ADGRB3: variants seen among roughly 807,000 people sequenced by gnomAD.
ADGRB3 encodes the protein adhesion G protein-coupled receptor B3, also known as brain-specific angiogenesis inhibitor 3.
A neutral mutation model predicts 193.4 loss-of-function variants in ADGRB3; 37 were observed. That is an observed-to-expected ratio of 0.19 (90% CI 0.15 to 0.25). The LOEUF is 0.25. ADGRB3 is among the 10% of genes least tolerant of loss of function. ADGRB3 has a pLI of 1.00. For missense variants in ADGRB3, 1,637 were observed against 1,852.9 expected (o/e 0.88, Z 2.14); for synonymous variants, 690 against 644.2 (o/e 1.07, Z -1.08).
intron 17 of ADGRB3, among the ~76,000 whole-genome samples, chr6:69,105,989 G>T (rs959948156): frequency 6.6e-6 from 1 of 151,738 alleles, no homozygotes; most frequent in Non-Finnish European, 1.5e-5. Flanking sequence ...CCAAAAATTA[G>T]CCAGGACATG....
At position 68,981,946 on chromosome 6, in the gene ADGRB3, C is replaced by T. The variant is rs370398422; in HGVS notation, c.1734+6606C>T. ...AGGCTAGAGTGCAATGGTGCGATCTCGGCTCACTGCAACCTCTGCCTCCCA... is the reference window on the plus strand; with the variant it reads ...AGGCTAGAGTGCAATGGTGCGATCTTGGCTCACTGCAACCTCTGCCTCCCA... On this transcript the variant is annotated intron_variant, in intron 10 of 31. Coordinates refer to ENST00000370598, the MANE Select transcript of ADGRB3 (RefSeq NM_001704.3). Among the ~76,000 whole-genome samples the T allele has an allele frequency of 5.3e-4, 80 of 151,806 alleles. 2 individuals are homozygous for T. Among genetic ancestry groups the T allele is most frequent in the Non-Finnish European group, 5.3e-4 (36 of 67,920 alleles).
At chr6:69,369,820 C>A (rs1196654430) in intron 29 of ADGRB3, among the ~76,000 whole-genome samples, 1 of 151,922 alleles carries the variant, frequency 6.6e-6, no homozygotes, top group African/African-American at 2.4e-5. Context: ...TTATTTTACT[C>A]AACACAGATA....
intron 11 of ADGRB3, among the ~76,000 whole-genome samples, chr6:69,004,686 A>G (rs1769694324): frequency 6.6e-6 from 1 of 151,160 alleles, no homozygotes; most frequent in Non-Finnish European, 1.5e-5. Context: ...GTCAGATTAG[A>G]TTAGGGCCCA....
chr6:69,024,843 A>G (rs1770378471), intron 13 of ADGRB3, among the ~76,000 whole-genome samples: 1 of 152,198 alleles, frequency 6.6e-6, no homozygotes, highest in South Asian at 2.1e-4. Flanking sequence ...CTGTAATCCC[A>G]GCACTTTGGG....
intron 17 of ADGRB3, among the ~76,000 whole-genome samples, chr6:69,122,187 G>T (rs1187534176): frequency 6.6e-6 from 1 of 151,938 alleles, no homozygotes; most frequent in Non-Finnish European, 1.5e-5. Context: ...GCGAGACTCC[G>T]TCTGCAATCC....
At chr6:68,886,790 A>G (rs1339126948) in intron 3 of ADGRB3, among the ~76,000 whole-genome samples, 1 of 151,998 alleles carries the variant, frequency 6.6e-6, no homozygotes, top group East Asian at 1.9e-4. Flanking sequence ...CACTTTTGTT[A>G]TGGAAATGAG....
intron 13 of ADGRB3, among the ~76,000 whole-genome samples, chr6:69,039,987 G>A (rs533833826): frequency 1.4e-4 from 22 of 152,072 alleles, no homozygotes; most frequent in Non-Finnish European, 2.6e-4. Context: ...TGATCCGCCC[G>A]CCTCGGCCTC....
intron 17 of ADGRB3, among the ~76,000 whole-genome samples, chr6:69,230,781 C>T (rs181854550): frequency 1.3e-5 from 2 of 152,298 alleles, no homozygotes; most frequent in Admixed American, 6.5e-5. Context: ...AAGGTTTTCT[C>T]TCCTACTTAC....
intron 3 of ADGRB3, among the ~76,000 whole-genome samples, chr6:68,792,781 C>G (rs1473125098): frequency 6.6e-6 from 1 of 152,110 alleles, no homozygotes; most frequent in African/African-American, 2.4e-5. Flanking sequence ...TTTTTATCAA[C>G]AGTAAACAGC....
chr6:69,149,210 T>C (rs1464229934), intron 17 of ADGRB3, among the ~76,000 whole-genome samples: 1 of 152,106 alleles, frequency 6.6e-6, no homozygotes, highest in African/African-American at 2.4e-5. Flanking sequence ...CTTTTAGGCA[T>C]GCCTCATTCT....
chr6:69,038,467 AAG>A (rs969482145), intron 13 of ADGRB3, among the ~76,000 whole-genome samples: 5 of 152,306 alleles, frequency 3.3e-5, no homozygotes, highest in South Asian at 2.1e-4. Flanking sequence ...TTTCTGAGGA[AAG>A]AGGGGGAATT....
At chr6:69,138,936 G>C (rs1391839391) in intron 17 of ADGRB3, among the ~76,000 whole-genome samples, 1 of 152,142 alleles carries the variant, frequency 6.6e-6, no homozygotes, top group East Asian at 1.9e-4. Flanking sequence ...GTTAGCTAGT[G>C]CATGACTCTA....
intron 19 of ADGRB3, among the ~76,000 whole-genome samples, chr6:69,237,527 T>A (rs1036643350): frequency 2.0e-5 from 3 of 152,038 alleles, no homozygotes; most frequent in African/African-American, 7.2e-5. Context: ...AAATCTAACA[T>A]GGTAAAGAAA....
intron 24 of ADGRB3, among the ~76,000 whole-genome samples, chr6:69,333,879 A>G (rs1460175438): frequency 4.0e-5 from 6 of 150,476 alleles, no homozygotes; most frequent in Non-Finnish European, 8.9e-5. Flanking sequence ...GCAGAGAGCC[A>G]AGATCGCGCC....
chr6:69,295,333 G>A (rs980269087), intron 20 of ADGRB3, among the ~76,000 whole-genome samples: 3 of 152,272 alleles, frequency 2.0e-5, no homozygotes, highest in Admixed American at 6.5e-5. Context: ...CCTTAGGCTA[G>A]GACTATGGCT....
chr6:69,301,555 G>A (rs1470486183), intron 20 of ADGRB3, among the ~76,000 whole-genome samples: 1 of 151,884 alleles, frequency 6.6e-6, no homozygotes, highest in Non-Finnish European at 1.5e-5. Context: ...GTGCAATATT[G>A]TAAATCTTGA....
intron 20 of ADGRB3, among the ~76,000 whole-genome samples, chr6:69,255,416 G>A (rs1766739156): frequency 6.6e-6 from 1 of 152,144 alleles, no homozygotes; most frequent in Non-Finnish European, 1.5e-5. Flanking sequence ...GGTGTGAGAT[G>A]GTATCTCATT....
In ADGRB3 at chr6:68,789,950, A is replaced by G. The variant is rs1014059512; in HGVS notation, c.758-140609A>G. 3.9e-5 allele frequency among the ~76,000 whole-genome samples: 6 copies of G among 152,254 alleles called. No individual in the cohort carries two copies. In the East Asian group the frequency reaches 5.8e-4, roughly 15 times the overall value. On this transcript the variant is annotated intron_variant, in intron 3 of 31. Transcript: ENST00000370598. ...TTTCTTCCAGTTGATCGCATCGGCT[A>G]TTGAGGCTTCTGCATTTGTCACGTA... is the stretch of plus-strand genomic sequence containing the variant.
intron 17 of ADGRB3, among the ~76,000 whole-genome samples, chr6:69,140,246 A>G (rs1047608212): frequency 3.3e-5 from 5 of 152,240 alleles, no homozygotes; most frequent in Non-Finnish European, 7.3e-5. Flanking sequence ...ATGACAGTTC[A>G]TGGGAATTGT....
Sources: gnomAD v4.1 joint callset for allele counts (sites outside exome capture counted in the v4.1 genomes callset) on GRCh38, gnomAD v4.1.1 for gene constraint, MANE v1.5 for transcripts, NCBI Gene and HGNC (gene_info 2026-07-23, HGNC 2026-07-21) for gene names.